HRH2: variants seen among roughly 807,000 people sequenced by gnomAD.
HRH2 encodes histamine H2 receptor.
In HRH2, 4 loss-of-function variants were observed where a neutral mutation model predicts 20.1. That is an observed-to-expected ratio of 0.20 (90% CI 0.10 to 0.45). The LOEUF is 0.45. Among genes scored for constraint, HRH2 ranks in the 20% least tolerant of loss-of-function variants. The pLI, the probability that HRH2 is intolerant of heterozygous loss-of-function variation, is 0.99. For missense variants in HRH2, 250 were observed against 461.6 expected (o/e 0.54, Z 4.20); for synonymous variants, 197 against 200.7 (o/e 0.98, Z 0.16).
chr5:175,697,624 T>G (rs2085174300), intron 2 of HRH2, among the ~76,000 whole-genome samples: 1 of 152,124 alleles, frequency 6.6e-6, no homozygotes, highest in Non-Finnish European at 1.5e-5. Flanking sequence ...TCACAGAATT[T>G]GAAGAAGAGC....
At chr5:175,700,742 G>T (rs1756766069) in intron 2 of HRH2, among the ~76,000 whole-genome samples, 1 of 152,108 alleles carries the variant, frequency 6.6e-6, no homozygotes, top group Non-Finnish European at 1.5e-5. Context: ...AAAAAAATTA[G>T]CCAGGCATGG....
intron 2 of HRH2, among the ~76,000 whole-genome samples, chr5:175,695,908 T>A (rs1581456583): frequency 6.6e-6 from 1 of 152,140 alleles, no homozygotes; most frequent in African/African-American, 2.4e-5. Context: ...CCAGTAAAGG[T>A]CTCAAACCAA....
chr5:175,683,282 T>A lies in HRH2; in HGVS notation c.49T>A (p.Cys17Ser). ...TTCCTTTTGCCTGGACTCTACCGCA[T>A]GCAAGATCACCATCACCGTGGTCCT... is the stretch of plus-strand genomic sequence containing the variant. Reference protein sequence around the residue: ...ASSFCLDSTACKITITVVLAV... With the variant: ...ASSFCLDSTASKITITVVLAV... Residue 17 changes from cysteine to serine, a missense_variant, in exon 2 of 3, where the codon TGC (cysteine) becomes AGC (serine). Transcript: ENST00000636584. 4 of 1,614,146 alleles carry A rather than the reference T, an allele frequency of 2.5e-6. No homozygotes were observed. The highest frequency in any genetic ancestry group is 3.4e-6 in the Non-Finnish European group (4 of 1,180,036).
intron 1 of HRH2, among the ~76,000 whole-genome samples, chr5:175,660,177 G>GTTTA (rs1401578669): frequency 3.3e-5 from 5 of 152,222 alleles, no homozygotes; most frequent in African/African-American, 4.8e-5. Flanking sequence ...AATCCCAAGG[G>GTTTA]TTTAATTCAG....
chr5:175,672,029 A>G (rs755321135), intron 1 of HRH2, among the ~76,000 whole-genome samples: 5 of 152,102 alleles, frequency 3.3e-5, no homozygotes, highest in Non-Finnish European at 7.4e-5. Context: ...CTCCTATTTT[A>G]CTATGGAGGG....
In HRH2 at chr5:175,677,580, A is replaced by T. The variant is rs1343355433; in HGVS notation, c.-525-5129A>T. 6.6e-6 allele frequency among the ~76,000 whole-genome samples: 1 copy of T among 151,730 alleles called. No individual in the cohort carries two copies. Among genetic ancestry groups the T allele is most frequent in the Non-Finnish European group, 1.5e-5 (1 of 67,944 alleles). ...TTGTCTTCCTTGCAACACTAAAATA[A>T]CTCCCTGCTTCCTTGCAACCCCAAA... On this transcript the variant is annotated intron_variant, in intron 1 of 2. Coordinates refer to ENST00000636584, the MANE Select transcript of HRH2 (RefSeq NM_001367711.1). This position sits in a 1 kb window ranked among gnomAD's most constrained non-coding sequence, Gnocchi z 4.2.
chr5:175,703,937 T>C (rs1248735017), intron 2 of HRH2: 5 of 152,132 alleles, frequency 3.3e-5, no homozygotes, highest in Non-Finnish European at 5.9e-5. Context: ...ACTGGAGCCA[T>C]ACAGAAAAGA....
chr5:175,678,978 G>C (rs933390763), intron 1 of HRH2, among the ~76,000 whole-genome samples: 3 of 152,186 alleles, frequency 2.0e-5, no homozygotes, highest in African/African-American at 7.2e-5. Flanking sequence ...CGCCCCTCTG[G>C]TTTTCTAACT....
chr5:175,697,083 G>T (rs574137884), intron 2 of HRH2, among the ~76,000 whole-genome samples: 1 of 152,134 alleles, frequency 6.6e-6, no homozygotes, highest in Non-Finnish European at 1.5e-5. Flanking sequence ...ATGACTGCTG[G>T]TGGGGGTGAG....
chr5:175,684,172 C>T lies in HRH2; in HGVS notation c.939C>T (p.His313=), dbSNP rs868791234. The change falls in exon 2 of 3, where the codon CAC becomes CAT. Residue 313 remains histidine, a synonymous_variant. Coordinates refer to ENST00000636584, the MANE Select transcript of HRH2 (RefSeq NM_001367711.1). ...FCCRLANRNS[H]KTSLRSNASQ... ...GCAGGCTGGCCAACCGCAACTCCCA[C>T]AAAACTTCTCTGAGGTCCAACGCCT... is the stretch of plus-strand genomic sequence containing the variant. The T allele has an allele frequency of 3.7e-6, 6 of 1,614,218 alleles. No homozygotes were observed. Among genetic ancestry groups the T allele is most frequent in the Non-Finnish European group, 4.2e-6 (5 of 1,180,032 alleles).
rs1755976400 is a variant in HRH2 at position 175,681,592 on chromosome 5, T to C, written c.-525-1117T>C. Among the ~76,000 whole-genome samples, 2 of 152,156 alleles carry C rather than the reference T, an allele frequency of 1.3e-5. No individual in the cohort carries two copies. The highest frequency in any genetic ancestry group is 1.3e-4 in the Admixed American group (2 of 15,272). The stretch of plus-strand genomic sequence containing the variant: ...CACCACTGGGAGGGAGCCTTGGAGA[T>C]TACCTAGTGACCAGGGGCTCTTATT... On this transcript the variant is annotated intron_variant, in intron 1 of 2. Coordinates refer to ENST00000636584, the MANE Select transcript of HRH2 (RefSeq NM_001367711.1). This position sits in a 1 kb window ranked among gnomAD's most constrained non-coding sequence, Gnocchi z 4.3.
rs187671676 is a variant in HRH2 at position 175,670,933 on chromosome 5, T to G, written c.-525-11776T>G. Among the ~76,000 whole-genome samples the G allele has an allele frequency of 1.2e-3, 178 of 152,370 alleles. 4 individuals are homozygous for G. The South Asian group carries it at 0.018, about 15-fold the overall frequency. On this transcript the variant is annotated intron_variant, in intron 1 of 2. Transcript: ENST00000636584. ...GAATGCAGTAGTGGGCACACAGACA[T>G]GGGCCCTGCCCTGTGGCGCTTATAC...
chr5:175,665,584 A>C (rs1762864221), intron 1 of HRH2, among the ~76,000 whole-genome samples: 1 of 152,182 alleles, frequency 6.6e-6, no homozygotes, highest in Admixed American at 6.5e-5. Flanking sequence ...CCAGGCACAG[A>C]GCACTCGCTG....
chr5:175,669,769 C>T (rs1178311914), intron 1 of HRH2, among the ~76,000 whole-genome samples: 5 of 152,198 alleles, frequency 3.3e-5, no homozygotes, highest in Admixed American at 1.3e-4. Flanking sequence ...ACCTAACACC[C>T]GATTCGCATT....
At position 175,669,783 on chromosome 5, in the gene HRH2, G is replaced by C. The variant is rs997494261; in HGVS notation, c.-526+11628G>C. On this transcript the variant is annotated intron_variant, in intron 1 of 2. Coordinates refer to ENST00000636584, the MANE Select transcript of HRH2 (RefSeq NM_001367711.1). ...AACCTAACACCCGATTCGCATTCAAGTTTCCCTGATTGCTTCAAGATGCCT... is the reference window on the plus strand; with the variant it reads ...AACCTAACACCCGATTCGCATTCAACTTTCCCTGATTGCTTCAAGATGCCT... 2.0e-5 allele frequency among the ~76,000 whole-genome samples: 3 copies of C among 152,202 alleles called. No homozygotes were observed. In the East Asian group the frequency reaches 5.8e-4, roughly 29 times the overall value.
intron 1 of HRH2, among the ~76,000 whole-genome samples, chr5:175,661,905 C>G (rs1025936155): frequency 6.6e-6 from 1 of 152,088 alleles, no homozygotes; most frequent in African/African-American, 2.4e-5. Context: ...GCCTGTAGTC[C>G]CAGCTACTCG....
At chr5:175,685,428 G>A (rs182806488) in intron 2 of HRH2, 2 of 1,551,290 alleles carry the variant, frequency 1.3e-6, no homozygotes, top group East Asian at 4.9e-5. Context: ...TTGCCTTCCA[G>A]AATGCTGGTC....
Position 175,708,277 on chromosome 5 carries a change from C to T in HRH2, c.*306C>T, listed in dbSNP as rs1042769162. On this transcript the variant is annotated 3_prime_UTR_variant, in exon 3 of 3. Transcript: ENST00000636584. Reference sequence around the variant, plus strand: ...AGAGACGGTGGGACAGACGGGGATGCGTGCACATGTGTGTGCATGGGTGCA... The same window carrying T: ...AGAGACGGTGGGACAGACGGGGATGTGTGCACATGTGTGTGCATGGGTGCA... 10 of 269,530 alleles carry T rather than the reference C, an allele frequency of 3.7e-5. No individual in the cohort carries two copies. The highest frequency in any genetic ancestry group is 8.8e-5 in the African/African-American group (4 of 45,646). The allele number at this position is 269,530 out of a possible 1,614,324, so 16.7% of individuals were successfully genotyped here.
At chr5:175,688,932 T>C (rs181002521) in intron 2 of HRH2, among the ~76,000 whole-genome samples, 2 of 152,244 alleles carry the variant, frequency 1.3e-5, no homozygotes, top group African/African-American at 2.4e-5. Context: ...CATTAGCACC[T>C]GGGCTATCCC....
Sources: gnomAD v4.1 joint callset for allele counts (sites outside exome capture counted in the v4.1 genomes callset) on GRCh38, gnomAD v4.1.1 for gene constraint, Gnocchi (gnomAD v3.1) non-coding constraint, MANE v1.5 for transcripts, NCBI Gene and HGNC (gene_info 2026-07-23, HGNC 2026-07-21) for gene names.